NEK11: variants seen among roughly 807,000 people sequenced by gnomAD.
The protein encoded by NEK11 is NIMA related kinase 11, also known as serine/threonine-protein kinase Nek11.
Under a neutral mutation model 80.7 loss-of-function variants are expected in NEK11, and 72 were observed. That is an observed-to-expected ratio of 0.89 (90% CI 0.74 to 1.08). NEK11 has a LOEUF of 1.08. Among genes scored for constraint, NEK11 ranks in the 50% least tolerant of loss-of-function variants. NEK11 has a pLI of 0.00. For missense variants in NEK11, 764 were observed against 763.6 expected (o/e 1.00, Z -0.01); for synonymous variants, 251 against 260.7 (o/e 0.96, Z 0.36).
intron 15 of NEK11, among the ~76,000 whole-genome samples, chr3:131,233,154 A>C (rs1322910756): frequency 6.6e-6 from 1 of 151,954 alleles, no homozygotes; most frequent in Admixed American, 6.6e-5. Flanking sequence ...GAGCAATTGG[A>C]TGGGAGCCTC....
chr3:131,218,785 C>T (rs1462793584), intron 14 of NEK11, among the ~76,000 whole-genome samples: 3 of 152,120 alleles, frequency 2.0e-5, no homozygotes, highest in Admixed American at 6.5e-5. Flanking sequence ...TTTTGATTTG[C>T]GTTTCTCTAA....
At chr3:131,149,022 T>G (rs946586314) in intron 7 of NEK11, among the ~76,000 whole-genome samples, 2 of 152,012 alleles carry the variant, frequency 1.3e-5, no homozygotes, top group African/African-American at 4.8e-5. Context: ...TATTTTGAAA[T>G]ATATAATAAA....
intron 11 of NEK11, chr3:131,165,175 C>T (rs1345257738): frequency 2.5e-6 from 1 of 400,414 alleles, no homozygotes; most frequent in Non-Finnish European, 4.5e-6. Context: ...CAGAGAGGAG[C>T]ACTGCCTTCT....
At chr3:131,284,868 C>A (rs2096451730) in intron 17 of NEK11, among the ~76,000 whole-genome samples, 1 of 152,172 alleles carries the variant, frequency 6.6e-6, no homozygotes, top group Non-Finnish European at 1.5e-5. Flanking sequence ...TGTTGCCCTC[C>A]CTACTTTTGA....
Position 131,203,192 on chromosome 3 carries a change from A to G in NEK11, c.1400-25336A>G, listed in dbSNP as rs543332207. On this transcript the variant is annotated intron_variant, in intron 14 of 17. Coordinates refer to ENST00000383366, the MANE Select transcript of NEK11 (RefSeq NM_024800.5). ...TTGGAATCAACCCAAATGTCCATCA[A>G]TGATAGACTGGATTAAGAAAATGTG... is the stretch of plus-strand genomic sequence containing the variant. Among the ~76,000 whole-genome samples, 4 of 152,302 alleles carry G rather than the reference A, an allele frequency of 2.6e-5. No individual in the cohort carries two copies. The South Asian group carries it at 6.2e-4, about 24-fold the overall frequency.
Position 131,029,703 on chromosome 3 carries a change from G to A in NEK11, c.-6G>A, listed in dbSNP as rs750443182. ...TGAATGAACCAGTTCTCTCTTGTTTGGAGCAATGCTGAAATTCCAAGAGGC... is the reference window on the plus strand; with the variant it reads ...TGAATGAACCAGTTCTCTCTTGTTTAGAGCAATGCTGAAATTCCAAGAGGC... On this transcript the variant is annotated 5_prime_UTR_variant, in exon 3 of 18. It introduces an in-frame stop codon into an upstream open reading frame of the 5' UTR. Coordinates refer to ENST00000383366, the MANE Select transcript of NEK11 (RefSeq NM_024800.5). 6.2e-7 allele frequency: 1 copy of A among 1,613,334 alleles called. No homozygotes were observed. Among genetic ancestry groups the A allele is most frequent in the East Asian group, 2.2e-5 (1 of 44,858 alleles).
chr3:131,246,358 T>C (rs200541133), intron 16 of NEK11, among the ~76,000 whole-genome samples: 4 of 137,688 alleles, frequency 2.9e-5, no homozygotes, highest in Non-Finnish European at 6.3e-5. Context: ...GGATGTTTGG[T>C]TTTCCATTCC....
intron 17 of NEK11, among the ~76,000 whole-genome samples, chr3:131,310,321 G>A (rs2096768957): frequency 6.6e-6 from 1 of 152,134 alleles, no homozygotes; most frequent in Non-Finnish European, 1.5e-5. Context: ...GGGTTCTAGG[G>A]ACAGTTTTCA....
At chr3:131,075,198 G>A (rs1048801661) in intron 3 of NEK11, among the ~76,000 whole-genome samples, 4 of 152,162 alleles carry the variant, frequency 2.6e-5, no homozygotes, top group African/African-American at 9.7e-5. Flanking sequence ...TCTAACCCCC[G>A]AATGAGCTAG....
chr3:131,234,740 C>G (rs531516389), intron 15 of NEK11, among the ~76,000 whole-genome samples: 1 of 152,074 alleles, frequency 6.6e-6, no homozygotes, highest in East Asian at 1.9e-4. Context: ...ACCAGTCAAA[C>G]CTTGCTGTGG....
At chr3:131,122,473 G>T (rs1291067215) in intron 5 of NEK11, among the ~76,000 whole-genome samples, 1 of 152,218 alleles carries the variant, frequency 6.6e-6, no homozygotes, top group African/African-American at 2.4e-5. Context: ...TTGTGTTAGT[G>T]AGGGGAATGA....
intron 17 of NEK11, among the ~76,000 whole-genome samples, chr3:131,338,704 C>T (rs1415952675): frequency 1.3e-5 from 2 of 152,312 alleles, no homozygotes; most frequent in East Asian, 1.9e-4. Flanking sequence ...TTAGATGAAT[C>T]TCAAAGATGC....
intron 15 of NEK11, among the ~76,000 whole-genome samples, chr3:131,231,770 C>T (rs2095334532): frequency 1.3e-5 from 2 of 151,930 alleles, no homozygotes; most frequent in Admixed American, 1.3e-4. Context: ...GACCTGCTGC[C>T]ATCTCTCAGA....
chr3:131,153,156 G>C lies in NEK11; in HGVS notation c.876+447G>C, dbSNP rs529917384. Among the ~76,000 whole-genome samples, 11 of 152,212 alleles carry C rather than the reference G, an allele frequency of 7.2e-5. No homozygotes were observed. The South Asian group carries it at 2.3e-3, about 32-fold the overall frequency. On this transcript the variant is annotated intron_variant, in intron 9 of 17. Coordinates refer to ENST00000383366, the MANE Select transcript of NEK11 (RefSeq NM_024800.5). ...TCAGGACAATCTCTTTCCAAAATAA[G>C]GTGTGTGTGAACTCCCATTCCCCAG...
chr3:131,144,993 T>C (rs2087832353), intron 7 of NEK11, among the ~76,000 whole-genome samples: 1 of 152,080 alleles, frequency 6.6e-6, no homozygotes, highest in Non-Finnish European at 1.5e-5. Context: ...GCCAGATAAT[T>C]GCATATCTTT....
intron 5 of NEK11, among the ~76,000 whole-genome samples, chr3:131,122,049 A>C (rs2082475128): frequency 6.6e-6 from 1 of 152,004 alleles, no homozygotes; most frequent in African/African-American, 2.4e-5. Context: ...GAAATCACCC[A>C]TCTTCTGTGT....
chr3:131,094,660 A>G (rs2077186413), intron 4 of NEK11, among the ~76,000 whole-genome samples: 1 of 152,186 alleles, frequency 6.6e-6, no homozygotes, highest in Non-Finnish European at 1.5e-5. Flanking sequence ...CTGTTATATC[A>G]GCAACCTTCC....
intron 4 of NEK11, among the ~76,000 whole-genome samples, chr3:131,096,145 G>A (rs2077394365): frequency 6.6e-6 from 1 of 151,868 alleles, no homozygotes; most frequent in South Asian, 2.1e-4. Flanking sequence ...AGTGAACATA[G>A]TACCCAATAG....
intron 7 of NEK11, among the ~76,000 whole-genome samples, chr3:131,137,731 A>G (rs146080306): frequency 6.6e-6 from 1 of 152,332 alleles, no homozygotes; most frequent in African/African-American, 2.4e-5. Context: ...GATGAATTTT[A>G]AAAGGGTTAA....
Sources: gnomAD v4.1 joint callset for allele counts (sites outside exome capture counted in the v4.1 genomes callset) on GRCh38, gnomAD v4.1.1 for gene constraint, MANE v1.5 for transcripts, NCBI Gene and HGNC (gene_info 2026-07-23, HGNC 2026-07-21) for gene names.